C1orf115: variants seen among roughly 807,000 people sequenced by gnomAD.
C1orf115 encodes the protein required for drug-induced death protein 1.
Under a neutral mutation model 12.5 loss-of-function variants are expected in C1orf115, and 14 were observed. That is an observed-to-expected ratio of 1.12 (90% CI 0.74 to 1.75). C1orf115 has a LOEUF of 1.75. Ranked by LOEUF, C1orf115 falls within the 40% of genes most tolerant of loss-of-function variation. C1orf115 has a pLI of 0.00. For missense variants in C1orf115, 237 were observed against 220.8 expected (o/e 1.07, Z -0.46); for synonymous variants, 109 against 104.6 (o/e 1.04, Z -0.26).
chr1:220,693,816 C>G (rs383682), intron 1 of C1orf115, among the ~76,000 whole-genome samples: 16,315 of 152,028 alleles, frequency 0.11, 1,736 homozygotes, highest in East Asian at 0.31. Flanking sequence ...TGGTGGCTCA[C>G]ACATGTAATC....
intron 1 of C1orf115, among the ~76,000 whole-genome samples, chr1:220,692,971 G>A (rs561772956): frequency 9.9e-5 from 15 of 152,268 alleles, no homozygotes; most frequent in South Asian, 8.3e-4. Flanking sequence ...AGAGGATGTC[G>A]TCAGGTTAGG....
Position 220,690,631 on chromosome 1 carries a change from C to T in C1orf115, c.229C>T (p.Arg77Cys). ...GGTGCACTTCGCCCTCCTGCCCGAG[C>T]GCTACGAGCCACTGGAGGAGCCGGC... is the stretch of plus-strand genomic sequence containing the variant. ...RRVHFALLPE[R>C]YEPLEEPAPS... Residue 77 changes from arginine (R) to cysteine (C), a missense_variant, in exon 1 of 2, where the codon CGC becomes TGC. Coordinates refer to ENST00000294889, the MANE Select transcript of C1orf115 (RefSeq NM_024709.5). 5 of 1,559,962 alleles carry T rather than the reference C, an allele frequency of 3.2e-6. No individual in the cohort carries two copies. The highest frequency in any genetic ancestry group is 3.5e-6 in the Non-Finnish European group (4 of 1,156,342).
At position 220,696,801 on chromosome 1, in the gene C1orf115, G is replaced by C. The variant is rs1670203097; in HGVS notation, c.*70G>C. 6.6e-7 allele frequency: 1 copy of C among 1,517,336 alleles called. No homozygotes were observed. Among genetic ancestry groups the C allele is most frequent in the Non-Finnish European group, 9.0e-7 (1 of 1,115,764 alleles). The allele number at this position is 1,517,336 out of a possible 1,614,324, so 94.0% of individuals were successfully genotyped here. A position where few individuals can be genotyped will look rare whatever the true frequency, so the allele number is the denominator to read the frequency against. On this transcript the variant is annotated 3_prime_UTR_variant, in exon 2 of 2. Coordinates refer to ENST00000294889, the MANE Select transcript of C1orf115 (RefSeq NM_024709.5). ...TGCTGTGGGAACTTTGTGAATCCTG[G>C]AGCATCTCAGACTTGAACACACAGC...
chr1:220,690,494 A>G lies in C1orf115; in HGVS notation c.92A>G (p.Glu31Gly). The G allele has an allele frequency of 1.4e-6, 2 of 1,434,240 alleles. No homozygotes were observed. The highest frequency in any genetic ancestry group is 1.5e-5 in the South Asian group (1 of 67,120). 88.8% of individuals were successfully genotyped at this position (1,434,240 alleles called of 1,614,324 possible). A position where few individuals can be genotyped will look rare whatever the true frequency, so the allele number is the denominator to read the frequency against. Residue 31 changes from glutamate to glycine, a missense_variant, in exon 1 of 2, where the codon GAG becomes GGG. Glu to Gly is a moderately conservative substitution (Grantham distance 98, BLOSUM62 -2). Coordinates refer to ENST00000294889, the MANE Select transcript of C1orf115 (RefSeq NM_024709.5). Reference protein sequence around the residue: ...RGRGRTEGDEEAAAILEHLEY... With the variant: ...RGRGRTEGDEGAAAILEHLEY... The stretch of plus-strand genomic sequence containing the variant: ...CGAGGGCGAACCGAGGGGGACGAGG[A>G]GGCGGCCGCCATCCTGGAGCACCTG...
intron 1 of C1orf115, 141 bp downstream of exon 1, chr1:220,690,852 G>A: frequency 3.8e-6 from 4 of 1,050,000 alleles, no homozygotes; most frequent in Non-Finnish European, 5.3e-6. Context: ...CCATTCCCTC[G>A]CCGGAGGGAA....
At chr1:220,694,326 A>T (rs1228456351) in intron 1 of C1orf115, among the ~76,000 whole-genome samples, 1 of 152,102 alleles carries the variant, frequency 6.6e-6, no homozygotes, top group Non-Finnish European at 1.5e-5. Flanking sequence ...ACATGATCTC[A>T]TTTACTCCTC....
rs1670205270 is a variant in C1orf115, at chr1:220,696,995, G to A, written c.*264G>A. The A allele has an allele frequency of 3.1e-6, 1 of 319,742 alleles. No homozygotes were observed. The highest frequency in any genetic ancestry group is 5.6e-6 in the Non-Finnish European group (1 of 178,114). 19.8% of individuals were successfully genotyped at this position (319,742 alleles called of 1,614,324 possible). A position where few individuals can be genotyped will look rare whatever the true frequency, so the allele number is the denominator to read the frequency against. The stretch of plus-strand genomic sequence containing the variant: ...TTAGGTTTGGGAGTGGAGCTAGCGT[G>A]CTAAAGCCAGAGCCTTCACGTGAAG... On this transcript the variant is annotated 3_prime_UTR_variant, in exon 2 of 2. Transcript: ENST00000294889.
Position 220,695,257 on chromosome 1 carries a change from G to A in C1orf115, c.310-1355G>A, listed in dbSNP as rs144507561. Among the ~76,000 whole-genome samples the A allele has an allele frequency of 3.2e-4, 49 of 152,228 alleles. No individual in the cohort carries two copies. The South Asian group carries it at 5.2e-3, about 16-fold the overall frequency. On this transcript the variant is annotated intron_variant, in intron 1 of 1. Transcript: ENST00000294889. ...AGGATATGGAGTCACGGTGATACCC[G>A]AGCATGTATGTAAGCTAATGGGATC... is the stretch of plus-strand genomic sequence containing the variant.
chr1:220,690,782 C>G lies in C1orf115; in HGVS notation c.309+71C>G, dbSNP rs1670090623. The G allele has an allele frequency of 8.0e-6, 12 of 1,502,312 alleles. No individual in the cohort carries two copies. The South Asian group carries it at 1.5e-4, about 18-fold the overall frequency. 93.1% of individuals were successfully genotyped at this position (1,502,312 alleles called of 1,614,324 possible). A position where few individuals can be genotyped will look rare whatever the true frequency, so the allele number is the denominator to read the frequency against. Reference sequence around the variant, plus strand: ...TCCCGCGGGGGAGCGGGAGCCGGGTCCTTACCATCGACTCACCCAGTTTCT... The same window carrying G: ...TCCCGCGGGGGAGCGGGAGCCGGGTGCTTACCATCGACTCACCCAGTTTCT... On this transcript the variant is annotated intron_variant, in intron 1 of 1. Coordinates refer to ENST00000294889, the MANE Select transcript of C1orf115 (RefSeq NM_024709.5).
chr1:220,696,607 A>G lies in C1orf115; in HGVS notation c.310-5A>G, dbSNP rs769947332. ...TTTGCTTTTCTCTTTTATTCCTAACACTAGAATGTCGGGAAGGTCATCATC... is the reference window on the plus strand; with the variant it reads ...TTTGCTTTTCTCTTTTATTCCTAACGCTAGAATGTCGGGAAGGTCATCATC... On this transcript the variant is annotated splice_region_variant and splice_polypyrimidine_tract_variant and intron_variant, in intron 1 of 1. Coordinates refer to ENST00000294889, the MANE Select transcript of C1orf115 (RefSeq NM_024709.5). 1.9e-6 allele frequency: 3 copies of G among 1,577,792 alleles called. No homozygotes were observed. The South Asian group carries it at 3.4e-5, about 18-fold the overall frequency.
At chr1:220,691,446 C>T (rs935979947) in intron 1 of C1orf115, among the ~76,000 whole-genome samples, 4 of 152,174 alleles carry the variant, frequency 2.6e-5, no homozygotes, top group African/African-American at 4.8e-5. Context: ...GACAAGGCCA[C>T]CCAGAATAAA....
intron 1 of C1orf115, among the ~76,000 whole-genome samples, chr1:220,695,473 G>A (rs1425549814): frequency 9.3e-5 from 14 of 150,128 alleles, no homozygotes; most frequent in East Asian, 2.0e-4. Flanking sequence ...GAAGGTGAAC[G>A]TGTTCCCTGA....
chr1:220,690,848 C>G, intron 1 of C1orf115, 137 bp downstream of exon 1: 3 of 1,084,216 alleles, frequency 2.8e-6, no homozygotes, highest in South Asian at 1.7e-5. Context: ...GCTCCCATTC[C>G]CTCGCCGGAG....
At position 220,696,753 on chromosome 1, in the gene C1orf115, C is replaced by T; in HGVS notation, c.*22C>T. On this transcript the variant is annotated 3_prime_UTR_variant, in exon 2 of 2. Transcript: ENST00000294889. The stretch of plus-strand genomic sequence containing the variant: ...CTAATGGGAGCTGCTGTGGCAGGTG[C>T]CCCCAGAGTGAACGGGAGCCCCTGC... 1 of 1,564,170 alleles carries T rather than the reference C, an allele frequency of 6.4e-7. No individual in the cohort carries two copies. Among genetic ancestry groups the T allele is most frequent in the Non-Finnish European group, 8.8e-7 (1 of 1,142,216 alleles).
chr1:220,696,777 G>A lies in C1orf115; in HGVS notation c.*46G>A, dbSNP rs755119141. The A allele has an allele frequency of 5.8e-6, 9 of 1,540,744 alleles. No homozygotes were observed. In the Middle Eastern group the frequency reaches 5.2e-4, roughly 89 times the overall value. On this transcript the variant is annotated 3_prime_UTR_variant, in exon 2 of 2. Transcript: ENST00000294889. ...GCCCCCAGAGTGAACGGGAGCCCCT[G>A]CTGTGGGAACTTTGTGAATCCTGGA...
intron 1 of C1orf115, among the ~76,000 whole-genome samples, 199 bp downstream of exon 1, chr1:220,690,910 G>T (rs1358772221): frequency 6.6e-6 from 1 of 152,144 alleles, no homozygotes; most frequent in Non-Finnish European, 1.5e-5. Context: ...GGGTTGCGCT[G>T]GGTGGTCCCT....
chr1:220,697,374 T>C lies in C1orf115; in HGVS notation c.*643T>C, dbSNP rs536593915. On this transcript the variant is annotated 3_prime_UTR_variant, in exon 2 of 2. Coordinates refer to ENST00000294889, the MANE Select transcript of C1orf115 (RefSeq NM_024709.5). This position sits in a 1 kb window ranked among gnomAD's most constrained non-coding sequence, Gnocchi z 4.5. ...ACTGTTTAAAGTAGATAAAACCTTG[T>C]CATTTTACCCCATCCCTGCATGACT... 1 of 152,322 alleles carries C rather than the reference T, an allele frequency of 6.6e-6. No individual in the cohort carries two copies. The highest frequency in any genetic ancestry group is 1.5e-5 in the Non-Finnish European group (1 of 68,050). 9.4% of individuals were successfully genotyped at this position (152,322 alleles called of 1,614,324 possible).
chr1:220,695,498 T>TG (rs1331882964), intron 1 of C1orf115, among the ~76,000 whole-genome samples: 1 of 146,222 alleles, frequency 6.8e-6, no homozygotes, highest in South Asian at 2.2e-4. Context: ...GTCTGGGTTT[T>TG]TTTTTTTTTT....
intron 1 of C1orf115, among the ~76,000 whole-genome samples, chr1:220,693,064 A>G (rs958579504): frequency 1.3e-5 from 2 of 152,176 alleles, no homozygotes; most frequent in Non-Finnish European, 2.9e-5. Context: ...CCAGGCTCAA[A>G]CATGGAGATA....
Sources: gnomAD v4.1 joint callset for allele counts (sites outside exome capture counted in the v4.1 genomes callset) on GRCh38, gnomAD v4.1.1 for gene constraint, Gnocchi (gnomAD v3.1) non-coding constraint, MANE v1.5 for transcripts, NCBI Gene and HGNC (gene_info 2026-07-23, HGNC 2026-07-21) for gene names.